MYO10: variants seen among roughly 807,000 people sequenced by gnomAD.
MYO10 encodes unconventional myosin-X.
MYO10 carries 133 observed loss-of-function variants against 257.3 expected under a neutral mutation model. The observed-to-expected ratio is 0.52, with a 90% CI of 0.45 to 0.60. The LOEUF (loss-of-function observed/expected upper bound fraction) is 0.60, where lower values mean the gene tolerates loss of function less well. MYO10 is among the 20% of genes least tolerant of loss of function. The pLI is 0.00. For synonymous variants in MYO10, 1,104 were observed against 1,028.6 expected (o/e 1.07, Z -1.40); for missense variants, 2,399 against 2,635.7 (o/e 0.91, Z 1.97).
rs556474661 is a variant in MYO10, at chr5:16,823,715, G to A, written c.121-5548C>T. Among the ~76,000 whole-genome samples the A allele has an allele frequency of 6.4e-4, 96 of 150,326 alleles. No homozygotes were observed. In the South Asian group the frequency reaches 0.011, roughly 17 times the overall value. On this transcript the variant is annotated intron_variant, in intron 2 of 40. Coordinates refer to ENST00000513610, the MANE Select transcript of MYO10 (RefSeq NM_012334.3). ...TCTCGAACTCCTGACCTCGTGATCT[G>A]CCCGCCTTGGCCTCCCAAAATGTTG...
At chr5:16,916,243 C>A in intron 1 of MYO10, 1 of 435,210 alleles carries the variant, frequency 2.3e-6, no homozygotes. Context: ...TCACCGTCAA[C>A]AGATAGTGGT....
At chr5:16,819,651 C>T (rs1431218381) in intron 2 of MYO10, among the ~76,000 whole-genome samples, 2 of 152,150 alleles carry the variant, frequency 1.3e-5, no homozygotes, top group African/African-American at 4.8e-5. Flanking sequence ...AAACAATTTT[C>T]TGCAATCATA....
At chr5:16,909,430 C>G (rs148393674) in intron 1 of MYO10, among the ~76,000 whole-genome samples, 63 of 150,784 alleles carry the variant, frequency 4.2e-4, no homozygotes, top group African/African-American at 1.4e-3. Context: ...CGCTTGAACC[C>G]AGGAGACGGA....
chr5:16,794,081 A>T (rs1293733819), intron 4 of MYO10, among the ~76,000 whole-genome samples: 1 of 152,182 alleles, frequency 6.6e-6, no homozygotes, highest in Non-Finnish European at 1.5e-5. Flanking sequence ...ACTAAAAAAA[A>T]ATATTGAAAT....
chr5:16,676,277 G>T, intron 33 of MYO10, 123 bp from the exon 34 acceptor site: 1 of 1,169,372 alleles, frequency 8.6e-7, no homozygotes, highest in Non-Finnish European at 1.2e-6. Flanking sequence ...CCAGTGTTAG[G>T]TGGTTTCATG....
intron 21 of MYO10, 31 bp downstream of exon 21, chr5:16,710,877 C>A: frequency 1.9e-6 from 3 of 1,570,346 alleles, no homozygotes; most frequent in Non-Finnish European, 2.6e-6. Context: ...GTCAGGGATT[C>A]GGTGGGAGTT....
At chr5:16,746,575 C>G (rs1740203851) in intron 19 of MYO10, among the ~76,000 whole-genome samples, 1 of 152,194 alleles carries the variant, frequency 6.6e-6, no homozygotes, top group Admixed American at 6.5e-5. Flanking sequence ...CTCCTCACAT[C>G]AAGTCCAGCT....
chr5:16,903,606 A>C (rs780392512), intron 1 of MYO10, among the ~76,000 whole-genome samples: 6 of 152,220 alleles, frequency 3.9e-5, no homozygotes, highest in Non-Finnish European at 8.8e-5. Context: ...GATAATAAGC[A>C]TCAGTCCACA....
intron 1 of MYO10, among the ~76,000 whole-genome samples, chr5:16,930,228 T>TTAGAC (rs1229843576): frequency 2.6e-5 from 4 of 152,070 alleles, no homozygotes; most frequent in Non-Finnish European, 5.9e-5. Flanking sequence ...ACTAGACCTG[T>TTAGAC]TAGAGACGGT....
intron 27 of MYO10, among the ~76,000 whole-genome samples, chr5:16,690,167 C>T (rs1737433420): frequency 6.6e-6 from 1 of 152,132 alleles, no homozygotes; most frequent in South Asian, 2.1e-4. Flanking sequence ...AAAAACAATA[C>T]AGTGTAACTA....
At chr5:16,748,497 C>G (rs532977793) in intron 19 of MYO10, among the ~76,000 whole-genome samples, 2 of 150,476 alleles carry the variant, frequency 1.3e-5, no homozygotes, top group Non-Finnish European at 3.0e-5. Context: ...CGCGCCCCCC[C>G]GCCCCCCATC....
At chr5:16,714,235 G>A (rs1478210754) in intron 19 of MYO10, among the ~76,000 whole-genome samples, 1 of 152,034 alleles carries the variant, frequency 6.6e-6, no homozygotes, top group Non-Finnish European at 1.5e-5. Context: ...CATGGGAAGT[G>A]CACAGATTTG....
chr5:16,748,169 G>C (rs982655826), intron 19 of MYO10, among the ~76,000 whole-genome samples: 1 of 151,882 alleles, frequency 6.6e-6, no homozygotes, highest in Non-Finnish European at 1.5e-5. Context: ...TCCCAGGCTC[G>C]GATGATCCTC....
At chr5:16,925,659 G>A (rs1257276150) in intron 1 of MYO10, among the ~76,000 whole-genome samples, 1 of 152,102 alleles carries the variant, frequency 6.6e-6, no homozygotes, top group African/African-American at 2.4e-5. Context: ...TGATCCACCC[G>A]CCTCGGCATC....
intron 9 of MYO10, among the ~76,000 whole-genome samples, chr5:16,774,975 C>A (rs1010321977): frequency 2.8e-5 from 4 of 144,080 alleles, no homozygotes; most frequent in Admixed American, 2.8e-4. Flanking sequence ...GTCAGGAAAC[C>A]CCAGCCCTGC....
At chr5:16,784,580 T>C (rs1462933448) in intron 4 of MYO10, among the ~76,000 whole-genome samples, 4 of 151,968 alleles carry the variant, frequency 2.6e-5, no homozygotes, top group Admixed American at 6.6e-5. Flanking sequence ...AGAACAGAAG[T>C]AGCAAAGAGG....
Position 16,831,883 on chromosome 5 carries a change from T to A in MYO10, c.121-13716A>T, listed in dbSNP as rs1054201508. On this transcript the variant is annotated intron_variant, in intron 2 of 40. Transcript: ENST00000513610. ...CCAATAACCTATGGAAATAAAAAAA[T>A]TTATATATATCAGAACTCCAATAAT... Among the ~76,000 whole-genome samples, 9 of 152,150 alleles carry A rather than the reference T, an allele frequency of 5.9e-5. 1 individual carries two copies. Among genetic ancestry groups the A allele is most frequent in the Admixed American group, 4.6e-4 (7 of 15,264 alleles).
At chr5:16,916,548 G>A (rs1745823902) in intron 1 of MYO10, 1 of 160,088 alleles carries the variant, frequency 6.2e-6, no homozygotes, top group East Asian at 1.8e-4. Flanking sequence ...AGTTTAAGAT[G>A]ATCCAATTTC....
chr5:16,897,363 G>A (rs1234778627), intron 1 of MYO10, among the ~76,000 whole-genome samples: 2 of 148,522 alleles, frequency 1.3e-5, no homozygotes. Flanking sequence ...CGCCACCACA[G>A]ATACTCCAAT....
Sources: gnomAD v4.1 joint callset for allele counts (sites outside exome capture counted in the v4.1 genomes callset) on GRCh38, gnomAD v4.1.1 for gene constraint, MANE v1.5 for transcripts, NCBI Gene and HGNC (gene_info 2026-07-23, HGNC 2026-07-21) for gene names.